Variants in TJP1 observed in about 807,000 individuals in gnomAD.
TJP1 encodes tight junction protein ZO-1.
A neutral mutation model predicts 194.2 loss-of-function variants in TJP1; 43 were observed. The ratio of observed to expected loss-of-function variants is 0.22; its 90% CI spans 0.17 to 0.29. TJP1 has a LOEUF of 0.29. TJP1 is among the 10% of genes least tolerant of loss of function. TJP1 has a pLI of 1.00. For missense variants in TJP1, 1,971 were observed against 2,185.7 expected (o/e 0.90, Z 1.96); for synonymous variants, 801 against 779.0 (o/e 1.03, Z -0.47).
At chr15:29,764,949 G>GA (rs1326430442) in intron 5 of TJP1, among the ~76,000 whole-genome samples, 4 of 149,646 alleles carry the variant, frequency 2.7e-5, no homozygotes, top group Non-Finnish European at 4.5e-5. Flanking sequence ...CTGAGGAAAA[G>GA]AAAAAAAAAG....
intron 2 of TJP1, among the ~76,000 whole-genome samples, chr15:29,784,460 T>C (rs910765736): frequency 2.6e-5 from 4 of 152,076 alleles, no homozygotes; most frequent in Non-Finnish European, 4.4e-5. Flanking sequence ...CCACCAAGCC[T>C]GGCTAATTTT....
chr15:29,752,231 T>C (rs921454087), intron 8 of TJP1, among the ~76,000 whole-genome samples: 1 of 151,892 alleles, frequency 6.6e-6, no homozygotes, highest in Non-Finnish European at 1.5e-5. Context: ...GCCTTCCGAG[T>C]AGCTGGGATT....
intron 18 of TJP1, among the ~76,000 whole-genome samples, chr15:29,723,704 C>A (rs2043073002): frequency 6.6e-6 from 1 of 152,132 alleles, no homozygotes. Flanking sequence ...CAGTATCCAA[C>A]AGATGGAGAG....
rs1383568991 is a variant in TJP1, at chr15:29,710,875, G to A, written c.4328C>T (p.Thr1443Ile). ...AGAATGTATGTGGAGAGACGCGCTG[G>A]TGACAGGCTGAGATGGCTGGGCATA... ...SQYAQPSQPV[T>I]SASLHIHSKG... Residue 1443 changes from threonine to isoleucine, a missense_variant, in exon 24 of 28, where the codon ACC (threonine) becomes ATC (isoleucine). This residue lies in a region of TJP1 where 1,108 missense variants were observed against 1,128.5 expected (regional missense o/e 0.98). Transcript: ENST00000614355. 7.4e-6 allele frequency: 12 copies of A among 1,613,968 alleles called. No individual in the cohort carries two copies. The highest frequency in any genetic ancestry group is 1.3e-5 in the African/African-American group (1 of 74,908).
chr15:29,854,377 A>T (rs570618306), intron 2 of TJP1, among the ~76,000 whole-genome samples: 45 of 152,278 alleles, frequency 3.0e-4, no homozygotes, highest in African/African-American at 1.0e-3. Context: ...GGCTGAAGAG[A>T]TCATTCCAGA....
chr15:29,739,863 T>C (rs75101132), intron 10 of TJP1, among the ~76,000 whole-genome samples: 3,089 of 152,280 alleles, frequency 0.02, 53 homozygotes, highest in Non-Finnish European at 0.032. Context: ...TTATAAAAGG[T>C]TGAATTATCA....
intron 24 of TJP1, 43 bp downstream of exon 24, chr15:29,710,788 A>AT (rs1300978973): frequency 4.5e-5 from 73 of 1,611,086 alleles, no homozygotes; most frequent in Non-Finnish European, 5.9e-5. Context: ...ATTTTACTTC[A>AT]TAAGCATTAC....
In TJP1 at chr15:29,738,106, G is replaced by A. The variant is rs180867246; in HGVS notation, c.1257-692C>T. Among the ~76,000 whole-genome samples, 4 of 152,236 alleles carry A rather than the reference G, an allele frequency of 2.6e-5. 1 individual carries two copies. The highest frequency in any genetic ancestry group is 6.5e-5 in the Admixed American group (1 of 15,278). On this transcript the variant is annotated intron_variant, in intron 10 of 27. Coordinates refer to ENST00000614355, the MANE Select transcript of TJP1 (RefSeq NM_001330239.4). Reference sequence around the variant, plus strand: ...ATACACACCCACCTCTAGCATCAGTGTAGTGTTGAAACCTTGTGACATTCC... The same window carrying A: ...ATACACACCCACCTCTAGCATCAGTATAGTGTTGAAACCTTGTGACATTCC...
At chr15:29,903,696 G>A (rs369785412) in intron 2 of TJP1, among the ~76,000 whole-genome samples, 22 of 152,022 alleles carry the variant, frequency 1.4e-4, no homozygotes, top group African/African-American at 4.8e-4. Context: ...CGCCCGCCTC[G>A]GCCTCCCAAA....
chr15:29,852,429 C>T (rs72719089), intron 2 of TJP1, among the ~76,000 whole-genome samples: 252 of 152,288 alleles, frequency 1.7e-3, no homozygotes, highest in Non-Finnish European at 2.6e-3. Flanking sequence ...GCATACCTGT[C>T]AGTGTCATAC....
intron 2 of TJP1, among the ~76,000 whole-genome samples, chr15:29,860,259 G>A (rs1383512396): frequency 6.6e-6 from 1 of 152,148 alleles, no homozygotes; most frequent in Non-Finnish European, 1.5e-5. Context: ...CTGTTTAAGT[G>A]TTATTGCACC....
At chr15:29,804,503 G>C (rs976823191) in intron 1 of TJP1, among the ~76,000 whole-genome samples, 18 of 152,132 alleles carry the variant, frequency 1.2e-4, no homozygotes, top group African/African-American at 4.3e-4. Flanking sequence ...TGATGCATTA[G>C]AAAAGCAAGG....
chr15:29,732,858 G>C, intron 13 of TJP1, 43 bp from the exon 14 acceptor site: 1 of 1,522,200 alleles, frequency 6.6e-7, no homozygotes, highest in Non-Finnish European at 8.8e-7. Flanking sequence ...CATTTAAAAT[G>C]CAAAATGGAA....
chr15:29,811,634 G>A (rs12593287), intron 1 of TJP1, among the ~76,000 whole-genome samples: 142,291 of 152,256 alleles, frequency 0.93, 66,804 homozygotes, highest in East Asian at 1. Flanking sequence ...ATCAGACTAA[G>A]GACTGTATCT....
chr15:29,708,589 A>G lies in TJP1; in HGVS notation c.4820T>C (p.Ile1607Thr), dbSNP rs748090425. Residue 1607 changes from isoleucine to threonine, a missense_variant, in exon 25 of 28, where the codon ATC (isoleucine) becomes ACC (threonine). This residue lies in a region of TJP1 where 1,108 missense variants were observed against 1,128.5 expected (regional missense o/e 0.98). Coordinates refer to ENST00000614355, the MANE Select transcript of TJP1 (RefSeq NM_001330239.4). ...AGGAATAGCTTTAGGCACTGTGCTGATATTATTTATTTGATATTTAGGCTT... is the reference window on the plus strand; with the variant it reads ...AGGAATAGCTTTAGGCACTGTGCTGGTATTATTTATTTGATATTTAGGCTT... ...AEKPKYQINN[I>T]STVPKAIPVS... The G allele has an allele frequency of 9.3e-6, 15 of 1,613,430 alleles. No homozygotes were observed. The highest frequency in any genetic ancestry group is 5.3e-5 in the African/African-American group (4 of 74,916).
At chr15:29,761,534 T>C in intron 7 of TJP1, 67 bp downstream of exon 7, 1 of 1,510,320 alleles carries the variant, frequency 6.6e-7, no homozygotes. Flanking sequence ...TCAAAGATGT[T>C]CAATCTCCCT....
intron 2 of TJP1, among the ~76,000 whole-genome samples, chr15:29,942,652 C>T (rs541683988): frequency 1.3e-5 from 2 of 152,296 alleles, no homozygotes; most frequent in East Asian, 1.9e-4. Context: ...AGATTAATAA[C>T]GGTGATAATT....
intron 1 of TJP1, chr15:29,968,349 A>G: frequency 1.0e-6 from 1 of 985,400 alleles, no homozygotes; most frequent in Non-Finnish European, 1.2e-6. Flanking sequence ...AGCAGAAAGG[A>G]CAGACAGAGG....
At chr15:29,813,107 G>C (rs1007059880) in intron 1 of TJP1, among the ~76,000 whole-genome samples, 1 of 152,144 alleles carries the variant, frequency 6.6e-6, no homozygotes, top group African/African-American at 2.4e-5. Flanking sequence ...CCAGATTCAT[G>C]TATTTCCCCT....
Sources: allele counts gnomAD v4.1 joint callset (sites outside exome capture counted in the v4.1 genomes callset), GRCh38; gene constraint gnomAD v4.1.1; regional missense constraint gnomAD v4.1.1; transcripts MANE v1.5; gene names NCBI Gene and HGNC (gene_info 2026-07-23, HGNC 2026-07-21).